Variants in NSUN3 observed in about 807,000 individuals in gnomAD.
NSUN3 encodes the protein NOP2/Sun RNA methyltransferase 3.
Under a neutral mutation model 36.8 loss-of-function variants are expected in NSUN3, and 24 were observed. The observed-to-expected ratio is 0.65, with a 90% CI of 0.47 to 0.92. The LOEUF is 0.92. NSUN3 is among the 40% of genes least tolerant of loss of function. The pLI, the probability that NSUN3 is intolerant of heterozygous loss-of-function variation, is 0.00. For synonymous variants in NSUN3, 146 were observed against 145.2 expected (o/e 1.01, Z -0.04); for missense variants, 381 against 392.8 (o/e 0.97, Z 0.25).
In NSUN3 at chr3:94,084,523, A is replaced by G. The variant is rs1456668380; in HGVS notation, c.466+73A>G. ...GTTATAGAGAATTCTGAAAGTATAT[A>G]TGGGGAGAAACGTAAGACTGAGTTT... On this transcript the variant is annotated intron_variant, in intron 3 of 5. Coordinates refer to ENST00000314622, the MANE Select transcript of NSUN3 (RefSeq NM_022072.5). 5 of 1,161,074 alleles carry G rather than the reference A, an allele frequency of 4.3e-6. No homozygotes were observed. The East Asian group carries it at 9.5e-5, about 22-fold the overall frequency. 71.9% of individuals were successfully genotyped at this position (1,161,074 alleles called of 1,614,324 possible).
rs569128623 is a variant in NSUN3, at chr3:94,115,232, T to C, written c.744-10979T>C. On this transcript the variant is annotated intron_variant, in intron 5 of 5. Coordinates refer to ENST00000314622, the MANE Select transcript of NSUN3 (RefSeq NM_022072.5). Reference sequence around the variant, plus strand: ...TTAATTGAGTATTAAATGGTTACAATGGACCAACTGCAGGATCGATGTTCC... The same window carrying C: ...TTAATTGAGTATTAAATGGTTACAACGGACCAACTGCAGGATCGATGTTCC... 3.2e-4 allele frequency among the ~76,000 whole-genome samples: 48 copies of C among 152,342 alleles called. 1 individual carries two copies. The highest frequency in any genetic ancestry group is 1.2e-3 in the African/African-American group (48 of 41,588).
chr3:94,111,166 A>G (rs1158848776), intron 5 of NSUN3, among the ~76,000 whole-genome samples: 1 of 152,152 alleles, frequency 6.6e-6, no homozygotes, highest in East Asian at 1.9e-4. Context: ...TGTGTATCTA[A>G]ACATACCAAA....
chr3:94,098,645 C>G (rs1576093032), intron 5 of NSUN3, among the ~76,000 whole-genome samples: 3 of 152,130 alleles, frequency 2.0e-5, no homozygotes, highest in Admixed American at 2.0e-4. Flanking sequence ...CTCAGGACTC[C>G]TACTCATTTT....
intron 1 of NSUN3, 27 bp downstream of exon 1, chr3:94,063,165 C>T: frequency 6.2e-7 from 1 of 1,613,440 alleles, no homozygotes. Flanking sequence ...GGCTGGGTAC[C>T]TCTATCTGAA....
In NSUN3 at chr3:94,128,697, A is replaced by G. The variant is rs1265984183; in HGVS notation, c.*2207A>G. On this transcript the variant is annotated 3_prime_UTR_variant, in exon 6 of 6. Coordinates refer to ENST00000314622, the MANE Select transcript of NSUN3 (RefSeq NM_022072.5). ...CTGCACAGCAAACTAAACTATCAAC[A>G]GAGTAGCAGACAACTTACAGGATGG... 6.6e-6 allele frequency among the ~76,000 whole-genome samples: 1 copy of G among 152,010 alleles called. No homozygotes were observed. Among genetic ancestry groups the G allele is most frequent in the African/African-American group, 2.4e-5 (1 of 41,412 alleles).
rs556253753 is a variant in NSUN3, at chr3:94,073,557, T to A, written c.122+9011T>A. On this transcript the variant is annotated intron_variant, in intron 2 of 5. Coordinates refer to ENST00000314622, the MANE Select transcript of NSUN3 (RefSeq NM_022072.5). The stretch of plus-strand genomic sequence containing the variant: ...TTTGTATTTCTCTAATGACCAGTGA[T>A]GATGAGCATTTTTTCATATGTTTGT... Among the ~76,000 whole-genome samples, 3 of 152,378 alleles carry A rather than the reference T, an allele frequency of 2.0e-5. No homozygotes were observed. The South Asian group carries it at 6.2e-4, about 32-fold the overall frequency.
rs758321795 is a variant in NSUN3, at chr3:94,063,145, C to A, written c.12+7C>A. The A allele has an allele frequency of 7.4e-6, 12 of 1,613,830 alleles. No individual in the cohort carries two copies. Among genetic ancestry groups the A allele is most frequent in the Non-Finnish European group, 1.0e-5 (12 of 1,179,986 alleles). On this transcript the variant is annotated splice_region_variant and intron_variant, in intron 1 of 5. Transcript: ENST00000314622. The stretch of plus-strand genomic sequence containing the variant: ...CGGGACAATGCTGACCCAGGTGAGA[C>A]CTGGGGCCCGGCTGGGTACCTCTAT...
At chr3:94,092,278 C>G (rs976774155) in intron 3 of NSUN3, among the ~76,000 whole-genome samples, 2 of 152,206 alleles carry the variant, frequency 1.3e-5, no homozygotes, top group Non-Finnish European at 2.9e-5. Flanking sequence ...TAGAGTTGCC[C>G]TGAGAGACTG....
intron 5 of NSUN3, among the ~76,000 whole-genome samples, chr3:94,105,988 C>T (rs2077387178): frequency 6.6e-6 from 1 of 151,762 alleles, no homozygotes; most frequent in African/African-American, 2.4e-5. Flanking sequence ...ACTCTTTGCT[C>T]ACCTAAGCAA....
intron 5 of NSUN3, among the ~76,000 whole-genome samples, chr3:94,118,295 T>C (rs1056348421): frequency 1.3e-5 from 2 of 152,188 alleles, no homozygotes; most frequent in African/African-American, 4.8e-5. Flanking sequence ...TATTAAAGAA[T>C]ATGTAAAACC....
intron 3 of NSUN3, among the ~76,000 whole-genome samples, chr3:94,092,004 G>T (rs1259958184): frequency 6.6e-6 from 1 of 152,206 alleles, no homozygotes; most frequent in Non-Finnish European, 1.5e-5. Flanking sequence ...GCCACAAATT[G>T]AAGAGCCTCC....
chr3:94,120,848 A>G (rs536444505), intron 5 of NSUN3, among the ~76,000 whole-genome samples: 5 of 152,318 alleles, frequency 3.3e-5, no homozygotes, highest in Middle Eastern at 3.4e-3. Context: ...AGGAGCCGTC[A>G]TATTGTTTTC....
In NSUN3 at chr3:94,127,672, T is replaced by C. The variant is rs775586654; in HGVS notation, c.*1182T>C. Reference sequence around the variant, plus strand: ...CACATCTCAAAAAATAGCATCTCTTTGGAAAATAGCCTTTAAAAAAAAACA... The same window carrying C: ...CACATCTCAAAAAATAGCATCTCTTCGGAAAATAGCCTTTAAAAAAAAACA... On this transcript the variant is annotated 3_prime_UTR_variant, in exon 6 of 6. Transcript: ENST00000314622. 6 of 152,150 alleles carry C rather than the reference T, an allele frequency of 3.9e-5. No individual in the cohort carries two copies. The highest frequency in any genetic ancestry group is 7.2e-5 in the African/African-American group (3 of 41,430). 9.4% of individuals were successfully genotyped at this position (152,150 alleles called of 1,614,324 possible).
At chr3:94,124,697 G>T (rs2077478214) in intron 5 of NSUN3, among the ~76,000 whole-genome samples, 1 of 151,980 alleles carries the variant, frequency 6.6e-6, no homozygotes, top group Admixed American at 6.6e-5. Flanking sequence ...ACCTTCTAAG[G>T]CACTATGGGT....
Position 94,130,717 on chromosome 3 carries a change from C to T in NSUN3, c.*4227C>T, listed in dbSNP as rs2077506011. On this transcript the variant is annotated 3_prime_UTR_variant, in exon 6 of 6. Coordinates refer to ENST00000314622, the MANE Select transcript of NSUN3 (RefSeq NM_022072.5). ...CACTCTGGGTGTCAGGGGTACAGCT[C>T]ACAGGCTTTCAGTTTGGCCACAGCT... Among the ~76,000 whole-genome samples, 1 of 152,130 alleles carries T rather than the reference C, an allele frequency of 6.6e-6. No homozygotes were observed. The highest frequency in any genetic ancestry group is 2.4e-5 in the African/African-American group (1 of 41,432).
At chr3:94,112,245 C>T (rs2077420785) in intron 5 of NSUN3, among the ~76,000 whole-genome samples, 1 of 152,132 alleles carries the variant, frequency 6.6e-6, no homozygotes, top group South Asian at 2.1e-4. Flanking sequence ...AATACTTGAC[C>T]AAATATCTGA....
intron 2 of NSUN3, among the ~76,000 whole-genome samples, chr3:94,073,372 C>T (rs1301726176): frequency 2.0e-5 from 3 of 152,288 alleles, no homozygotes; most frequent in Non-Finnish European, 4.4e-5. Context: ...CTTGACCAAT[C>T]GCCACACTGT....
chr3:94,102,202 T>TAAAAAAAA (rs5850923), intron 5 of NSUN3, among the ~76,000 whole-genome samples: 2 of 101,560 alleles, frequency 2.0e-5, no homozygotes, highest in African/African-American at 7.7e-5. Flanking sequence ...AAAGAAACGT[T>TAAAAAAAA]AAAAAAAAAA....
chr3:94,126,287 G>C lies in NSUN3; in HGVS notation c.820G>C (p.Asp274His). ...TCTLSKAENQ[D>H]VISEILNSHG... Reference sequence around the variant, plus strand: ...CACGCTTTCCAAGGCAGAAAATCAAGATGTGATCAGTGAAATTTTAAACTC... The same window carrying C: ...CACGCTTTCCAAGGCAGAAAATCAACATGTGATCAGTGAAATTTTAAACTC... The change falls in exon 6 of 6, where the codon GAT becomes CAT. Residue 274 changes from aspartate (D) to histidine (H), a missense_variant. Asp to His is a moderately conservative substitution (Grantham distance 81). Coordinates refer to ENST00000314622, the MANE Select transcript of NSUN3 (RefSeq NM_022072.5). 6.2e-7 allele frequency: 1 copy of C among 1,614,104 alleles called. No individual in the cohort carries two copies. The highest frequency in any genetic ancestry group is 8.5e-7 in the Non-Finnish European group (1 of 1,179,972).
Sources: gnomAD v4.1 joint callset for allele counts (sites outside exome capture counted in the v4.1 genomes callset) on GRCh38, gnomAD v4.1.1 for gene constraint, MANE v1.5 for transcripts, NCBI Gene and HGNC (gene_info 2026-07-23, HGNC 2026-07-21) for gene names.